PDK3: variants seen among roughly 807,000 people sequenced by gnomAD.
PDK3 encodes pyruvate dehydrogenase kinase 3.
In PDK3, 12 loss-of-function variants were observed where a neutral mutation model predicts 32.0. The observed-to-expected ratio is 0.37, with a 90% confidence interval of 0.24 to 0.61. The LOEUF (loss-of-function observed/expected upper bound fraction) is 0.61. PDK3 is among the 20% of genes least tolerant of loss of function. The pLI is 0.65. For missense variants in PDK3, 188 were observed against 316.9 expected (o/e 0.59, Z 3.09); for synonymous variants, 122 against 116.3 (o/e 1.05, Z -0.31).
intron 1 of PDK3, among the ~76,000 whole-genome samples, chrX:24,476,975 G>A (rs927578275): frequency 2.7e-5 from 3 of 112,053 alleles, no homozygotes; most frequent in Non-Finnish European, 5.6e-5. Context: ...GCAGTGATTG[G>A]TCTTAATTTC....
chrX:24,500,505 T>C (rs759916079), intron 3 of PDK3, among the ~76,000 whole-genome samples: 20 of 112,417 alleles, frequency 1.8e-4, no homozygotes, highest in Non-Finnish European at 3.2e-4. Context: ...GGTTATCCGA[T>C]GTGATTTATG....
chrX:24,490,415 A>G (rs1921524150), intron 1 of PDK3, among the ~76,000 whole-genome samples: 2 of 89,211 alleles, frequency 2.2e-5, no homozygotes, highest in Admixed American at 2.3e-4. Context: ...GCTCTAGTCA[A>G]GATTCAAACC....
intron 7 of PDK3, 107 bp from the exon 8 acceptor site, chrX:24,527,467 C>A: frequency 2.1e-6 from 1 of 469,418 alleles, no homozygotes; most frequent in Non-Finnish European, 3.5e-6. Flanking sequence ...CTAATATTTG[C>A]CCCAAAAAAG....
At chrX:24,489,911 A>T (rs1921509528) in intron 1 of PDK3, among the ~76,000 whole-genome samples, 1 of 110,492 alleles carries the variant, frequency 9.1e-6, no homozygotes, top group African/African-American at 3.3e-5. Context: ...GCTTCCTGAA[A>T]TTTGGTTCTC....
exon 12 of PDK3, among the ~76,000 whole-genome samples, chrX:24,541,938 G>C (rs905310089): frequency 5.4e-5 from 6 of 112,101 alleles, no homozygotes; most frequent in Non-Finnish European, 9.4e-5. Flanking sequence ...CTGACACATA[G>C]TAGGTGCTTA....
At chrX:24,474,046 C>T (rs1258870042) in intron 1 of PDK3, among the ~76,000 whole-genome samples, 1 of 112,172 alleles carries the variant, frequency 8.9e-6, no homozygotes, top group Non-Finnish European at 1.9e-5. Context: ...ATCTTTCAGT[C>T]TCGCCCTGTC....
At chrX:24,526,117 G>T in intron 6 of PDK3, 81 bp from the exon 7 acceptor site, 1 of 744,817 alleles carries the variant, frequency 1.3e-6, no homozygotes, top group East Asian at 3.2e-5. Context: ...TTACACACTT[G>T]GAAAATAGAA....
intron 5 of PDK3, among the ~76,000 whole-genome samples, chrX:24,515,781 T>C (rs1302495579): frequency 1.8e-5 from 2 of 112,295 alleles, no homozygotes; most frequent in Admixed American, 1.9e-4. Flanking sequence ...GTAAATTTAG[T>C]ACAATTCAAA....
chrX:24,494,616 A>G, intron 1 of PDK3, 126 bp from the exon 2 acceptor site: 1 of 396,734 alleles, frequency 2.5e-6, no homozygotes. Context: ...ATAAAAATTC[A>G]ACTAGAGACT....
chrX:24,506,531 A>C, intron 5 of PDK3, among the ~76,000 whole-genome samples: 1 of 111,985 alleles, frequency 8.9e-6, no homozygotes, highest in Middle Eastern at 4.6e-3. Context: ...AACTGTAACC[A>C]ATTTGAGGTC....
intron 1 of PDK3, among the ~76,000 whole-genome samples, chrX:24,483,720 T>C (rs747884993): frequency 9.0e-6 from 1 of 111,719 alleles, no homozygotes. Context: ...TTTTTTTGTG[T>C]GTGTGTATGT....
At chrX:24,482,371 G>T (rs923649210) in intron 1 of PDK3, among the ~76,000 whole-genome samples, 4 of 111,443 alleles carry the variant, frequency 3.6e-5, no homozygotes, top group African/African-American at 1.3e-4. Context: ...ACCACGCCTG[G>T]CTAATTTTTT....
chrX:24,472,441 T>C (rs1469440510), intron 1 of PDK3, among the ~76,000 whole-genome samples: 2 of 111,873 alleles, frequency 1.8e-5, no homozygotes, highest in African/African-American at 6.5e-5. Context: ...CTGATAGAAA[T>C]TTAGCCTCTG....
chrX:24,482,901 CAT>C (rs1346584239), intron 1 of PDK3, among the ~76,000 whole-genome samples: 2 of 112,360 alleles, frequency 1.8e-5, no homozygotes, highest in East Asian at 5.6e-4. Context: ...AGTGGCTAAT[CAT>C]AGGATGGTTG....
chrX:24,472,675 C>CTTTTTT (rs761538432), intron 1 of PDK3, among the ~76,000 whole-genome samples: 69 of 49,697 alleles, frequency 1.4e-3, no homozygotes, highest in African/African-American at 1.8e-3. Context: ...TTCTTTCTTT[C>CTTTTTT]TTTTTTTTTT....
chrX:24,518,340 G>C (rs1922307997), intron 5 of PDK3, among the ~76,000 whole-genome samples: 1 of 111,410 alleles, frequency 9.0e-6, no homozygotes, highest in Admixed American at 9.6e-5. Flanking sequence ...AAAATTAGCT[G>C]GGCGTGGTGG....
intron 1 of PDK3, among the ~76,000 whole-genome samples, chrX:24,477,117 A>G (rs186851179): frequency 7.1e-5 from 8 of 112,027 alleles, no homozygotes; most frequent in African/African-American, 2.6e-4. Context: ...TATCTGCCTC[A>G]GAGTGGAATT....
At chrX:24,538,800 A>AGTATATTC (rs1416324987), downstream of PDK3, among the ~76,000 whole-genome samples, 8 of 111,351 alleles carry the variant, frequency 7.2e-5, no homozygotes, top group African/African-American at 9.8e-5. Flanking sequence ...ATAAAAGTAT[A>AGTATATTC]CAATTCCATA....
chrX:24,471,702 T>C (rs1230551697), intron 1 of PDK3, among the ~76,000 whole-genome samples: 1 of 112,333 alleles, frequency 8.9e-6, no homozygotes, highest in Non-Finnish European at 1.9e-5. Context: ...TCTTTCTCCG[T>C]ATAGCTCCTA....
Sources: allele counts gnomAD v4.1 joint callset (sites outside exome capture counted in the v4.1 genomes callset), GRCh38; gene constraint gnomAD v4.1.1; transcripts MANE v1.5; gene names NCBI Gene and HGNC (gene_info 2026-07-23, HGNC 2026-07-21).